The following PANK3 variants were observed in gnomAD, a reference collection of about 807,000 sequenced individuals.
PANK3 encodes the protein hPanK3.
A neutral mutation model predicts 39.4 loss-of-function variants in PANK3; 20 were observed. The observed-to-expected ratio is 0.51, with a 90% CI of 0.36 to 0.74. The LOEUF is 0.74. Ranked by LOEUF, PANK3 falls within the 30% of genes least tolerant of loss-of-function variation. The pLI is 0.00. For synonymous variants in PANK3, 140 were observed against 157.3 expected, an observed-to-expected ratio of 0.89 and a Z score of 0.82; for missense variants, 265 against 437.0, an observed-to-expected ratio of 0.61 and a Z score of 3.51.
intron 1 of PANK3, among the ~76,000 whole-genome samples, chr5:168,575,293 T>A (rs1759714182): frequency 6.6e-6 from 1 of 152,182 alleles, no homozygotes; most frequent in South Asian, 2.1e-4. Flanking sequence ...AAGTGCTATG[T>A]CTTACCAGAC....
At chr5:168,570,570 T>C (rs979054946) in intron 1 of PANK3, among the ~76,000 whole-genome samples, 20 of 151,900 alleles carry the variant, frequency 1.3e-4, no homozygotes, top group Non-Finnish European at 5.9e-5. Flanking sequence ...TATAGATTAA[T>C]AGAAGGAATG....
rs2431533 is a variant in PANK3, at chr5:168,563,460, C to T, written c.812+429G>A. Among the ~76,000 whole-genome samples the T allele has an allele frequency of 8.4e-3, 1,281 of 152,182 alleles. 9 individuals are homozygous for T. Among genetic ancestry groups the T allele is most frequent in the Non-Finnish European group, 0.012 (829 of 67,988 alleles). On this transcript the variant is annotated intron_variant, in intron 4 of 6. Transcript: ENST00000239231. ...AGTGAAAAACAGTACCGCTCTTTTG[C>T]ATAATTAACAATATCTCAAAAATGC...
chr5:168,554,786 G>GT lies in PANK3; in HGVS notation c.*2784dup, dbSNP rs993698698. On this transcript the variant is annotated 3_prime_UTR_variant, in exon 7 of 7. Coordinates refer to ENST00000239231, the MANE Select transcript of PANK3 (RefSeq NM_024594.4). ...AGATAAGAATCTTAATTGAATGACAGTAACTACAAGTTTTATACCTGTGGC... is the reference window on the plus strand; with the variant it reads ...AGATAAGAATCTTAATTGAATGACAGTTAACTACAAGTTTTATACCTGTGGC... The GT allele has an allele frequency of 2.4e-4, 37 of 152,302 alleles. No individual in the cohort carries two copies. The highest frequency in any genetic ancestry group is 8.7e-4 in the African/African-American group (36 of 41,576). 9.4% of individuals were successfully genotyped at this position (152,302 alleles called of 1,614,324 possible).
chr5:168,564,215 CA>C (rs1561840768), intron 3 of PANK3, 150 bp from the exon 4 acceptor site: 1 of 669,540 alleles, frequency 1.5e-6, no homozygotes. Flanking sequence ...ACGAAGGCAA[CA>C]AAAATTGTTT....
chr5:168,574,647 A>AG (rs1737249591), intron 1 of PANK3, among the ~76,000 whole-genome samples: 1 of 152,132 alleles, frequency 6.6e-6, no homozygotes. Context: ...GGATCACCTG[A>AG]GGTCGGGAGT....
rs114834926 is a variant in PANK3 at position 168,552,300 on chromosome 5, T to A, written c.*5271A>T. On this transcript the variant is annotated 3_prime_UTR_variant, in exon 7 of 7. Transcript: ENST00000239231. ...AATGGAATCATGAGATCTGCTTCAG[T>A]GAAGTACGTATGTATTTTGGGTTGT... 6.6e-6 allele frequency: 1 copy of A among 152,290 alleles called. No homozygotes were observed. Among genetic ancestry groups the A allele is most frequent in the African/African-American group, 2.4e-5 (1 of 41,540 alleles). 9.4% of individuals were successfully genotyped at this position (152,290 alleles called of 1,614,324 possible).
At chr5:168,565,068 G>A (rs780497892) in intron 3 of PANK3, among the ~76,000 whole-genome samples, 11 of 152,170 alleles carry the variant, frequency 7.2e-5, no homozygotes, top group Admixed American at 3.3e-4. Context: ...AGAGTTAACC[G>A]AAGAAGGCAA....
At chr5:168,572,280 A>C (rs569236945) in intron 1 of PANK3, among the ~76,000 whole-genome samples, 1 of 151,870 alleles carries the variant, frequency 6.6e-6, no homozygotes, top group Admixed American at 6.6e-5. Context: ...CGACCAACTA[A>C]TTTTTTTATT....
At chr5:168,557,821 T>C (rs1219813416) in intron 6 of PANK3, among the ~76,000 whole-genome samples, 200 bp from the exon 7 acceptor site, 1 of 152,216 alleles carries the variant, frequency 6.6e-6, no homozygotes, top group Non-Finnish European at 1.5e-5. Context: ...AATATGTATT[T>C]TTATTTATTA....
Position 168,556,114 on chromosome 5 carries a change from T to C in PANK3, c.*1457A>G, listed in dbSNP as rs781064882. On this transcript the variant is annotated 3_prime_UTR_variant, in exon 7 of 7. Coordinates refer to ENST00000239231, the MANE Select transcript of PANK3 (RefSeq NM_024594.4). ...GGAAAGAACTTCCTAAATCTTAAGGTTGAAGGCAGAGGGCTCAACCCCACT... is the reference window on the plus strand; with the variant it reads ...GGAAAGAACTTCCTAAATCTTAAGGCTGAAGGCAGAGGGCTCAACCCCACT... The C allele has an allele frequency of 2.6e-5, 4 of 152,136 alleles. No homozygotes were observed. The highest frequency in any genetic ancestry group is 9.7e-5 in the African/African-American group (4 of 41,424). The allele number at this position is 152,136 out of a possible 1,614,324, so 9.4% of individuals were successfully genotyped here.
In PANK3 at chr5:168,575,303, C is replaced by T. The variant is rs146235599; in HGVS notation, c.28+3953G>A. Among the ~76,000 whole-genome samples the T allele has an allele frequency of 1.7e-3, 265 of 152,300 alleles. 4 individuals are homozygous for T. Among genetic ancestry groups the T allele is most frequent in the African/African-American group, 3.0e-3 (124 of 41,574 alleles). On this transcript the variant is annotated intron_variant, in intron 1 of 6. Transcript: ENST00000239231. ...GGATGAAGTGCTATGTCTTACCAGACGCATTATATATGCAAAAGGAGAAAT... is the reference window on the plus strand; with the variant it reads ...GGATGAAGTGCTATGTCTTACCAGATGCATTATATATGCAAAAGGAGAAAT...
At chr5:168,566,549 G>T (rs1315353750) in intron 2 of PANK3, among the ~76,000 whole-genome samples, 1 of 152,150 alleles carries the variant, frequency 6.6e-6, no homozygotes, top group African/African-American at 2.4e-5. Context: ...TAATGGGTGT[G>T]ACATTTCTGC....
chr5:168,569,028 AAAAT>A (rs1341639797), intron 1 of PANK3, 30 bp from the exon 2 acceptor site: 96 of 255,324 alleles, frequency 3.8e-4, no homozygotes, highest in African/African-American at 3.0e-3. Context: ...AAAAAAAAAA[AAAAT>A]ATATATATAT....
Position 168,557,352 on chromosome 5 carries a change from T to C in PANK3, c.*219A>G, listed in dbSNP as rs1759365238. 1 of 531,920 alleles carries C rather than the reference T, an allele frequency of 1.9e-6. No homozygotes were observed. The highest frequency in any genetic ancestry group is 3.3e-6 in the Non-Finnish European group (1 of 301,820). The allele number at this position is 531,920 out of a possible 1,614,324, so 33.0% of individuals were successfully genotyped here. A position where few individuals can be genotyped will look rare whatever the true frequency, so the allele number is the denominator to read the frequency against. Reference sequence around the variant, plus strand: ...GGAAGCTCAATAATCAGAGGCTGTATTGCATTTAAGGATTTAACACTGGCT... The same window carrying C: ...GGAAGCTCAATAATCAGAGGCTGTACTGCATTTAAGGATTTAACACTGGCT... On this transcript the variant is annotated 3_prime_UTR_variant, in exon 7 of 7. Transcript: ENST00000239231.
At position 168,568,929 on chromosome 5, in the gene PANK3, A is replaced by G. The variant is rs762609025; in HGVS notation, c.98T>C (p.Ile33Thr). The stretch of plus-strand genomic sequence containing the variant: ...TTCTTCTTGCTCTTCCTCTGCTGTG[A>G]TATCAATAGGTTCAAAGTACGAGAG... Reference protein sequence around the residue: ...VKLSYFEPIDITAEEEQEEVE... With the variant: ...VKLSYFEPIDTTAEEEQEEVE... Residue 33 changes from isoleucine to threonine, a missense_variant, in exon 2 of 7, where the codon ATC (isoleucine) becomes ACC (threonine). Physicochemically the swap from Ile to Thr is moderately conservative, Grantham distance 89 (BLOSUM62 -1). This residue lies in a region of PANK3 where 154 missense variants were observed against 256.8 expected (regional missense o/e 0.60). Transcript: ENST00000239231. The G allele has an allele frequency of 3.1e-6, 5 of 1,609,710 alleles. No homozygotes were observed. The highest frequency in any genetic ancestry group is 2.7e-5 in the African/African-American group (2 of 73,930).
chr5:168,564,067 T>A lies in PANK3; in HGVS notation c.636-2A>T, dbSNP rs1759486269. The A allele has an allele frequency of 6.3e-7, 1 of 1,578,876 alleles. No homozygotes were observed. On this transcript the variant is annotated splice_acceptor_variant, in intron 3 of 6. Coordinates refer to ENST00000239231, the MANE Select transcript of PANK3 (RefSeq NM_024594.4). LOFTEE classifies it high-confidence loss of function. Reference sequence around the variant, plus strand: ...CCCAGAAAGGTACCCCCTCCAAGGCTAAAGAAAATAAAGAAACTTGCTAAG... The same window carrying A: ...CCCAGAAAGGTACCCCCTCCAAGGCAAAAGAAAATAAAGAAACTTGCTAAG...
rs924879916 is a variant in PANK3, at chr5:168,553,429, T to C, written c.*4142A>G. 4.5e-6 allele frequency: 2 copies of C among 441,726 alleles called. No individual in the cohort carries two copies. The highest frequency in any genetic ancestry group is 4.0e-5 in the African/African-American group (2 of 49,424). 27.4% of individuals were successfully genotyped at this position (441,726 alleles called of 1,614,324 possible). ...ACCAGTAATAGCCAACAAATTATGATAAGCATTGAACTGCACCTGCCAAAG... is the reference window on the plus strand; with the variant it reads ...ACCAGTAATAGCCAACAAATTATGACAAGCATTGAACTGCACCTGCCAAAG... On this transcript the variant is annotated 3_prime_UTR_variant, in exon 7 of 7. Coordinates refer to ENST00000239231, the MANE Select transcript of PANK3 (RefSeq NM_024594.4).
chr5:168,574,613 G>C (rs1759702317), intron 1 of PANK3, among the ~76,000 whole-genome samples: 1 of 152,148 alleles, frequency 6.6e-6, no homozygotes, highest in Non-Finnish European at 1.5e-5. Flanking sequence ...TGTAATCCTA[G>C]CACTATGGGA....
At chr5:168,572,561 G>C (rs910384935) in intron 1 of PANK3, among the ~76,000 whole-genome samples, 1 of 150,904 alleles carries the variant, frequency 6.6e-6, no homozygotes, top group African/African-American at 2.4e-5. Flanking sequence ...CCTTCTTAAG[G>C]GTGGGGGAGA....
Sources: allele counts gnomAD v4.1 joint callset (sites outside exome capture counted in the v4.1 genomes callset), GRCh38; gene constraint gnomAD v4.1.1; regional missense constraint gnomAD v4.1.1; transcripts MANE v1.5; gene names NCBI Gene and HGNC (gene_info 2026-07-23, HGNC 2026-07-21).